The following GLT1D1 variants were observed in gnomAD, a reference collection of about 807,000 sequenced individuals.
GLT1D1 encodes the protein glycosyltransferase 1 domain containing 1.
In GLT1D1, 21 loss-of-function variants were observed where a neutral mutation model predicts 28.7. The ratio of observed to expected loss-of-function variants is 0.73; its 90% confidence interval spans 0.52 to 1.05. GLT1D1 has a LOEUF of 1.05. Ranked by LOEUF, GLT1D1 falls within the 50% of genes least tolerant of loss-of-function variation. The pLI is 0.00. For missense variants in GLT1D1, 343 were observed against 330.6 expected (o/e 1.04, Z -0.29); for synonymous variants, 147 against 124.8 (o/e 1.18, Z -1.19).
intron 6 of GLT1D1, among the ~76,000 whole-genome samples, chr12:128,949,175 AT>A (rs773204953): frequency 6.6e-6 from 1 of 152,010 alleles, no homozygotes; most frequent in African/African-American, 2.4e-5. Flanking sequence ...GTAAATATAC[AT>A]TTTTTTTCAA....
intron 2 of GLT1D1, among the ~76,000 whole-genome samples, chr12:128,886,070 G>T (rs1307200802): frequency 6.6e-6 from 1 of 152,142 alleles, no homozygotes; most frequent in Non-Finnish European, 1.5e-5. Context: ...GTTTTATAAA[G>T]GGGAGTTTCC....
chr12:128,953,185 T>C (rs910214706), intron 6 of GLT1D1, among the ~76,000 whole-genome samples: 10 of 152,232 alleles, frequency 6.6e-5, no homozygotes, highest in Admixed American at 1.3e-4. Context: ...TCTCCTTTTG[T>C]TGTTGAGTTG....
At chr12:128,876,900 G>A (rs768375745) in intron 2 of GLT1D1, among the ~76,000 whole-genome samples, 3 of 152,156 alleles carry the variant, frequency 2.0e-5, no homozygotes, top group African/African-American at 2.4e-5. Flanking sequence ...AATGATTTAC[G>A]TCTCTCCCTG....
intron 6 of GLT1D1, among the ~76,000 whole-genome samples, chr12:128,951,905 G>T (rs1029768636): frequency 6.6e-6 from 1 of 152,244 alleles, no homozygotes; most frequent in African/African-American, 2.4e-5. Flanking sequence ...TCGTGAGTGG[G>T]TTGTGTTGCA....
chr12:128,956,322 C>T (rs1027102347), intron 6 of GLT1D1, among the ~76,000 whole-genome samples: 4 of 151,860 alleles, frequency 2.6e-5, no homozygotes, highest in African/African-American at 9.7e-5. Context: ...TCATCTAACA[C>T]GAACCTATTT....
intron 3 of GLT1D1, among the ~76,000 whole-genome samples, chr12:128,898,118 ATTCTTC>A (rs922906600): frequency 4.0e-5 from 6 of 151,154 alleles, no homozygotes; most frequent in African/African-American, 1.5e-4. Flanking sequence ...TCATCTTTGA[ATTCTTC>A]TTCTTCTTCC....
chr12:128,933,434 C>A (rs1874166597), intron 4 of GLT1D1, among the ~76,000 whole-genome samples: 1 of 152,272 alleles, frequency 6.6e-6, no homozygotes, highest in Non-Finnish European at 1.5e-5. Context: ...TAAAAACTGT[C>A]CCGGGCTGCC....
intron 4 of GLT1D1, among the ~76,000 whole-genome samples, chr12:128,933,185 T>G (rs181947103): frequency 6.6e-6 from 1 of 152,334 alleles, no homozygotes; most frequent in African/African-American, 2.4e-5. Flanking sequence ...TGTTTATCAG[T>G]GTCCATGTGT....
chr12:128,895,913 T>C (rs913093696), intron 3 of GLT1D1, among the ~76,000 whole-genome samples: 43 of 152,116 alleles, frequency 2.8e-4, no homozygotes, highest in African/African-American at 1.0e-3. Flanking sequence ...GCCAGTTCGA[T>C]GAAACGGAAT....
At chr12:128,941,905 CT>C (rs60663875) in intron 4 of GLT1D1, among the ~76,000 whole-genome samples, 22,032 of 75,218 alleles carry the variant, frequency 0.29, 2,799 homozygotes, top group Admixed American at 0.39. Flanking sequence ...CTCTCTCTCT[CT>C]TTTTTTTTTT....
At chr12:128,944,493 C>G in intron 4 of GLT1D1, 1 of 1,144,866 alleles carries the variant, frequency 8.7e-7, no homozygotes. Context: ...GCTCCCCTGT[C>G]AGAGCATCAA....
Position 128,875,988 on chromosome 12 carries a change from C to T in GLT1D1, c.143C>T (p.Ala48Val). ...GACTTTGAAAGCCGATCTGAGATTG[C>T]AAACCTCATCTTGGCTGAGAACTGC... The change falls in exon 2 of 8, where the codon GCA becomes GTA. Residue 48 changes from alanine (A) to valine (V), a missense_variant. By Grantham distance (64) the Ala-to-Val change is moderately conservative. Transcript: ENST00000281703. 1 of 1,613,912 alleles carries T rather than the reference C, an allele frequency of 6.2e-7. No homozygotes were observed. The highest frequency in any genetic ancestry group is 8.5e-7 in the Non-Finnish European group (1 of 1,179,804).
chr12:128,958,586 CA>C lies in GLT1D1; in HGVS notation c.639+963del, dbSNP rs1164628353. ...TGAAACCCCGTCTCTATTAAAAAGA[CA>C]AAAAAAAAAAAAAAAAAAAGCTGGG... On this transcript the variant is annotated intron_variant, in intron 7 of 7. Transcript: ENST00000281703. 8.3e-3 allele frequency among the ~76,000 whole-genome samples: 618 copies of C among 74,446 alleles called. 1 individual carries two copies. The highest frequency in any genetic ancestry group is 0.033 in the South Asian group (51 of 1,568). 48.8% of individuals were successfully genotyped at this position (74,446 alleles called of 152,430 possible).
At chr12:128,895,614 G>A (rs796194283) in intron 3 of GLT1D1, among the ~76,000 whole-genome samples, 2 of 151,980 alleles carry the variant, frequency 1.3e-5, no homozygotes, top group Non-Finnish European at 2.9e-5. Context: ...GCACCACCAC[G>A]CCGGGCTAAT....
chr12:128,925,865 T>G (rs1873149632), intron 4 of GLT1D1, among the ~76,000 whole-genome samples: 1 of 152,072 alleles, frequency 6.6e-6, no homozygotes, highest in South Asian at 2.1e-4. Context: ...CCACCAGAAA[T>G]CATTAGTTTA....
chr12:128,943,227 C>A (rs1405803438), intron 4 of GLT1D1, among the ~76,000 whole-genome samples: 2 of 152,196 alleles, frequency 1.3e-5, no homozygotes, highest in African/African-American at 4.8e-5. Flanking sequence ...ATTGGCACAC[C>A]TGTTTACTAA....
rs368284787 is a variant in GLT1D1, at chr12:128,885,226, A to G, written c.218-3413A>G. ...AATTGTAATCATGGGTGAATTTATAAGTCTTATTTTTTTGAGACAGAGTCG... is the reference window on the plus strand; with the variant it reads ...AATTGTAATCATGGGTGAATTTATAGGTCTTATTTTTTTGAGACAGAGTCG... On this transcript the variant is annotated intron_variant, in intron 2 of 7. Transcript: ENST00000281703. 2.6e-5 allele frequency among the ~76,000 whole-genome samples: 4 copies of G among 151,970 alleles called. No homozygotes were observed. The East Asian group carries it at 7.8e-4, about 29-fold the overall frequency.
chr12:128,853,989 C>A (rs1312669339), intron 1 of GLT1D1, among the ~76,000 whole-genome samples: 1 of 152,170 alleles, frequency 6.6e-6, no homozygotes, highest in Non-Finnish European at 1.5e-5. Context: ...CGCAGGGATG[C>A]GCAGCGGGGT....
At chr12:128,854,218 C>T (rs113522272) in intron 1 of GLT1D1, among the ~76,000 whole-genome samples, 21 of 151,602 alleles carry the variant, frequency 1.4e-4, no homozygotes, top group Admixed American at 4.6e-4. Flanking sequence ...ACTTGTTGGT[C>T]TGTGTTCTGG....
Sources: gnomAD v4.1 joint callset for allele counts (sites outside exome capture counted in the v4.1 genomes callset) on GRCh38, gnomAD v4.1.1 for gene constraint, MANE v1.5 for transcripts, NCBI Gene and HGNC (gene_info 2026-07-23, HGNC 2026-07-21) for gene names.